TTC34: variants seen among roughly 807,000 people sequenced by gnomAD.
The protein encoded by TTC34 is tetratricopeptide repeat domain 34.
A neutral mutation model predicts 40.7 loss-of-function variants in TTC34; 44 were observed. The ratio of observed to expected loss-of-function variants is 1.08; its 90% CI spans 0.85 to 1.39. The LOEUF (loss-of-function observed/expected upper bound fraction) is 1.39. TTC34 is among the 40% of genes most tolerant of loss of function. The pLI is 0.00. For synonymous variants in TTC34, 422 were observed against 398.6 expected (o/e 1.06, Z -0.70); for missense variants, 884 against 838.0 (o/e 1.05, Z -0.68).
exon 3 of TTC34, chr1:2,789,774 C>T (rs1477266757): frequency 5.3e-6 from 3 of 566,888 alleles, no homozygotes; most frequent in East Asian, 3.5e-5. Context: ...AGCGCGCGCA[C>T]ACAGCCCCCC....
chr1:2,684,999 C>A (rs544731181), intron 6 of TTC34, among the ~76,000 whole-genome samples: 1 of 146,492 alleles, frequency 6.8e-6, no homozygotes, highest in African/African-American at 2.7e-5. Flanking sequence ...CACCCATACC[C>A]CCAGGCGAGC....
rs1330474540 is a variant in TTC34 at position 2,698,391 on chromosome 1, G to A, written c.2227-52828C>T. On this transcript the variant is annotated intron_variant, in intron 6 of 8. Coordinates refer to ENST00000401095, the Ensembl canonical transcript of TTC34. ...CCACAGGCGAGCATCGGACAGCCTG[G>A]AGCAGCACCCCACACACCCAGGTGA... Among the ~76,000 whole-genome samples, 21 of 48,972 alleles carry A rather than the reference G, an allele frequency of 4.3e-4. 2 individuals carry two copies. The highest frequency in any genetic ancestry group is 1.0e-3 in the East Asian group (2 of 1,942). 32.1% of individuals were successfully genotyped at this position (48,972 alleles called of 152,430 possible). A position where few individuals can be genotyped will look rare whatever the true frequency, so the allele number is the denominator to read the frequency against.
At chr1:2,788,498 C>T (rs1233215473) in intron 3 of TTC34, among the ~76,000 whole-genome samples, 1 of 152,090 alleles carries the variant, frequency 6.6e-6, no homozygotes, top group Non-Finnish European at 1.5e-5. Flanking sequence ...CGCCCCCACC[C>T]CCCGGACTCA....
At chr1:2,649,470 C>T (rs886122403) in intron 6 of TTC34, among the ~76,000 whole-genome samples, 11 of 151,490 alleles carry the variant, frequency 7.3e-5, no homozygotes, top group Non-Finnish European at 1.6e-4. Flanking sequence ...AACCCTCCAG[C>T]AGCACTCACC....
At chr1:2,692,274 A>T (rs533956021) in intron 6 of TTC34, among the ~76,000 whole-genome samples, 3 of 72,612 alleles carry the variant, frequency 4.1e-5, no homozygotes, top group East Asian at 3.4e-4. Flanking sequence ...CCCTCAGGTG[A>T]GCATCTGACA....
Position 2,688,273 on chromosome 1 carries a change from G to A in TTC34, c.2227-42710C>T, listed in dbSNP as rs567628780. Among the ~76,000 whole-genome samples the A allele has an allele frequency of 1.5e-3, 219 of 144,452 alleles. 12 individuals carry two copies. The highest frequency in any genetic ancestry group is 5.6e-3 in the African/African-American group (203 of 36,288). 94.8% of individuals were successfully genotyped at this position (144,452 alleles called of 152,430 possible). ...CCCCCAGGGGAGCATGTGACAGCCTGGATCAGCACCCACACTCCCAGGCGA... is the reference window on the plus strand; with the variant it reads ...CCCCCAGGGGAGCATGTGACAGCCTAGATCAGCACCCACACTCCCAGGCGA... On this transcript the variant is annotated intron_variant, in intron 6 of 8. Transcript: ENST00000401095.
intron 6 of TTC34, among the ~76,000 whole-genome samples, chr1:2,648,739 C>A (rs1366724369): frequency 1.3e-5 from 2 of 150,418 alleles, no homozygotes; most frequent in Non-Finnish European, 3.0e-5. Flanking sequence ...CCTGGAACAG[C>A]ACCGCACACT....
At chr1:2,698,505 C>G (rs1348323850) in intron 6 of TTC34, among the ~76,000 whole-genome samples, 1 of 141,160 alleles carries the variant, frequency 7.1e-6, no homozygotes, top group African/African-American at 2.8e-5. Flanking sequence ...GAGCATCTGA[C>G]AGCCTGAAGC....
At chr1:2,686,394 C>A (rs1355279216) in intron 6 of TTC34, among the ~76,000 whole-genome samples, 3,310 of 106,032 alleles carry the variant, frequency 0.031, 2 homozygotes, top group African/African-American at 0.063. Flanking sequence ...TGGAGCAGCA[C>A]CCACACCCAC....
At chr1:2,795,408 C>G (rs1643701908) in intron 2 of TTC34, among the ~76,000 whole-genome samples, 1 of 152,230 alleles carries the variant, frequency 6.6e-6, no homozygotes, top group Non-Finnish European at 1.5e-5. Context: ...TGGCCTCACT[C>G]ATGTGTCCGG....
chr1:2,685,840 C>T lies in TTC34; in HGVS notation c.2227-40277G>A, dbSNP rs1391659278. 3.4e-5 allele frequency among the ~76,000 whole-genome samples: 5 copies of T among 148,186 alleles called. 1 individual carries two copies. The highest frequency in any genetic ancestry group is 3.3e-4 in the Admixed American group (5 of 14,992). Reference sequence around the variant, plus strand: ...GACAGACTGGAACGGCACCCCCATGCCCAGGTGAGCCTCTGACAGCCTGGA... The same window carrying T: ...GACAGACTGGAACGGCACCCCCATGTCCAGGTGAGCCTCTGACAGCCTGGA... On this transcript the variant is annotated intron_variant, in intron 6 of 8. Coordinates refer to ENST00000401095, the Ensembl canonical transcript of TTC34.
chr1:2,759,666 G>GTAGTATC (rs1641627918), intron 6 of TTC34, among the ~76,000 whole-genome samples: 1 of 148,304 alleles, frequency 6.7e-6, no homozygotes. Context: ...ACAGCCTGGA[G>GTAGTATC]CAGCACCAAC....
intron 6 of TTC34, among the ~76,000 whole-genome samples, chr1:2,675,516 C>T (rs1639876733): frequency 8.5e-6 from 1 of 117,612 alleles, no homozygotes; most frequent in Non-Finnish European, 1.9e-5. Flanking sequence ...GCAACAGCAC[C>T]CTGCACCCCC....
At chr1:2,787,801 C>G in intron 3 of TTC34, 95 bp from the exon 4 acceptor site, 1 of 1,120,836 alleles carries the variant, frequency 8.9e-7, no homozygotes, top group East Asian at 2.6e-5. Flanking sequence ...TCTCCATGTA[C>G]CTGGCCTGGG....
At chr1:2,653,745 G>A (rs28599692) in intron 6 of TTC34, among the ~76,000 whole-genome samples, 227 of 136,656 alleles carry the variant, frequency 1.7e-3, no homozygotes, top group Admixed American at 2.4e-3. Context: ...AGTGAGCATC[G>A]GAGAGTCTGG....
At position 2,787,378 on chromosome 1, in the gene TTC34, G is replaced by A. The variant is rs2100626507; in HGVS notation, c.1854+103C>T. Reference sequence around the variant, plus strand: ...GCTGAATGCAGTCGCCTGGTCCAAAGCCCAGACTGTGGGGTCCAGCGCCAG... The same window carrying A: ...GCTGAATGCAGTCGCCTGGTCCAAAACCCAGACTGTGGGGTCCAGCGCCAG... On this transcript the variant is annotated intron_variant, in intron 4 of 8. Transcript: ENST00000401095. 4 of 1,120,924 alleles carry A rather than the reference G, an allele frequency of 3.6e-6. No homozygotes were observed. In the South Asian group the frequency reaches 5.8e-5, roughly 16 times the overall value. The allele number at this position is 1,120,924 out of a possible 1,614,324, so 69.4% of individuals were successfully genotyped here. A position where few individuals can be genotyped will look rare whatever the true frequency, so the allele number is the denominator to read the frequency against.
chr1:2,782,003 G>A (rs755757778), intron 6 of TTC34, among the ~76,000 whole-genome samples: 3 of 152,180 alleles, frequency 2.0e-5, no homozygotes, highest in Non-Finnish European at 2.9e-5. Context: ...TGGTATCAGG[G>A]TAATGCTGGC....
At chr1:2,684,359 C>G (rs1368388722) in intron 6 of TTC34, among the ~76,000 whole-genome samples, 1 of 151,946 alleles carries the variant, frequency 6.6e-6, no homozygotes, top group East Asian at 1.9e-4. Flanking sequence ...CCCACACCCA[C>G]AGGTGAGCAT....
chr1:2,750,248 A>T (rs1641270932), intron 6 of TTC34, among the ~76,000 whole-genome samples: 18 of 148,400 alleles, frequency 1.2e-4, no homozygotes, highest in South Asian at 4.3e-4. Flanking sequence ...CCACACCCAC[A>T]GGTGGGCATC....
Sources: gnomAD v4.1 joint callset for allele counts (sites outside exome capture counted in the v4.1 genomes callset) on GRCh38, gnomAD v4.1.1 for gene constraint, MANE v1.5 for transcripts, NCBI Gene and HGNC (gene_info 2026-07-23, HGNC 2026-07-21) for gene names.